KPNA6: variants seen among roughly 807,000 people sequenced by gnomAD.
KPNA6 encodes karyopherin subunit alpha 6, also known as importin subunit alpha-7.
In KPNA6, 9 loss-of-function variants were observed where a neutral mutation model predicts 72.0. That is an observed-to-expected ratio of 0.13 (90% confidence interval 0.08 to 0.22). The LOEUF is 0.22. KPNA6 is among the 10% of genes least tolerant of loss of function. The pLI is 1.00. For missense variants in KPNA6, 374 were observed against 655.7 expected, an observed-to-expected ratio of 0.57 and a Z score of 4.69; for synonymous variants, 219 against 242.1, an observed-to-expected ratio of 0.90 and a Z score of 0.89.
chr1:32,110,056 ATTTTTTTTTTTTTT>A (rs750004100), intron 1 of KPNA6, among the ~76,000 whole-genome samples: 1 of 118,308 alleles, frequency 8.5e-6, no homozygotes, highest in Non-Finnish European at 1.7e-5. Context: ...CTGGAATTGA[ATTTTTTTTTTTTTT>A]TTTTTTTTTC....
intron 1 of KPNA6, among the ~76,000 whole-genome samples, chr1:32,120,599 C>A (rs1168339929): frequency 2.0e-5 from 3 of 151,916 alleles, no homozygotes; most frequent in African/African-American, 7.3e-5. Flanking sequence ...TGGAGTATAG[C>A]TCTGTCACCC....
chr1:32,160,571 A>G, intron 6 of KPNA6, 44 bp from the exon 7 acceptor site: 1 of 1,487,946 alleles, frequency 6.7e-7, no homozygotes, highest in Non-Finnish European at 9.4e-7. Flanking sequence ...TACTCACAGG[A>G]GTACCAAGCT....
chr1:32,140,787 C>T (rs1641822485), intron 1 of KPNA6, among the ~76,000 whole-genome samples: 1 of 152,126 alleles, frequency 6.6e-6, no homozygotes, highest in Admixed American at 6.6e-5. Context: ...AGAGTTACAA[C>T]AATACCCAAA....
chr1:32,156,582 C>T (rs56067750), intron 2 of KPNA6, among the ~76,000 whole-genome samples: 19,661 of 152,108 alleles, frequency 0.13, 1,683 homozygotes, highest in South Asian at 0.25. Flanking sequence ...TAGCGTGAAA[C>T]TTCAACACTA....
intron 1 of KPNA6, among the ~76,000 whole-genome samples, chr1:32,135,800 G>A (rs557587147): frequency 1.3e-5 from 2 of 150,618 alleles, no homozygotes; most frequent in Non-Finnish European, 3.0e-5. Flanking sequence ...TTTTTAGGAT[G>A]ATGAAGATGT....
chr1:32,150,999 G>T (rs1162511837), intron 1 of KPNA6, among the ~76,000 whole-genome samples: 1 of 152,000 alleles, frequency 6.6e-6, no homozygotes, highest in Non-Finnish European at 1.5e-5. Context: ...ATAGCTCACT[G>T]CAGCCTTGAA....
At chr1:32,161,652 G>A (rs1400800829) in intron 7 of KPNA6, among the ~76,000 whole-genome samples, 1 of 152,146 alleles carries the variant, frequency 6.6e-6, no homozygotes, top group Non-Finnish European at 1.5e-5. Context: ...TGTGGCCAGG[G>A]TTATGGGCAT....
chr1:32,167,344 C>G (rs749982838), intron 12 of KPNA6, 48 bp downstream of exon 12: 3 of 1,610,938 alleles, frequency 1.9e-6, no homozygotes, highest in African/African-American at 2.7e-5. Context: ...GATGCTCTCC[C>G]TGTTTGCTCA....
Position 32,141,375 on chromosome 1 carries a change from C to CTTTTTTTTTTTTT in KPNA6, c.5-13185_5-13173dup, listed in dbSNP as rs71006334. ...AGGGCTTTTTTTTTTTAAGTTAATC[C>CTTTTTTTTTTTTT]TTTTTTTTTTTTTTTTTTTTTTTTT... On this transcript the variant is annotated intron_variant, in intron 1 of 13. Coordinates refer to ENST00000373625, the MANE Select transcript of KPNA6 (RefSeq NM_012316.5). Among the ~76,000 whole-genome samples, 39 of 54,476 alleles carry CTTTTTTTTTTTTT rather than the reference C, an allele frequency of 7.2e-4. 9 individuals carry two copies. The highest frequency in any genetic ancestry group is 1.1e-3 in the Non-Finnish European group (27 of 25,164). The allele number at this position is 54,476 out of a possible 152,430, so 35.7% of individuals were successfully genotyped here.
At chr1:32,122,677 C>T (rs753691361) in intron 1 of KPNA6, among the ~76,000 whole-genome samples, 7 of 151,748 alleles carry the variant, frequency 4.6e-5, no homozygotes, top group African/African-American at 9.7e-5. Context: ...TTGGGTGGGC[C>T]GGGTGCAGTG....
intron 1 of KPNA6, among the ~76,000 whole-genome samples, chr1:32,148,526 T>G (rs774851064): frequency 6.6e-6 from 1 of 151,998 alleles, no homozygotes; most frequent in East Asian, 1.9e-4. Context: ...TCTTCTGCTC[T>G]TAGGACTCCC....
chr1:32,154,737 T>C lies in KPNA6; in HGVS notation c.138+16T>C, dbSNP rs761319577. ...AGAGCAACAAGTGAGTTAATGGGAG[T>C]ATTCTCAAACATACTATTCTGGGAA... On this transcript the variant is annotated intron_variant, in intron 2 of 13. Coordinates refer to ENST00000373625, the MANE Select transcript of KPNA6 (RefSeq NM_012316.5). The C allele has an allele frequency of 1.9e-6, 3 of 1,612,734 alleles. No individual in the cohort carries two copies. Among genetic ancestry groups the C allele is most frequent in the Admixed American group, 3.3e-5 (2 of 59,926 alleles).
At position 32,149,418 on chromosome 1, in the gene KPNA6, G is replaced by T. The variant is rs1373775726; in HGVS notation, c.5-5170G>T. On this transcript the variant is annotated intron_variant, in intron 1 of 13. Coordinates refer to ENST00000373625, the MANE Select transcript of KPNA6 (RefSeq NM_012316.5). Reference sequence around the variant, plus strand: ...TAAAATTATTTAAAATAGAAACAGGGTCTCCCTATGTTGCCCAGGATGGTC... The same window carrying T: ...TAAAATTATTTAAAATAGAAACAGGTTCTCCCTATGTTGCCCAGGATGGTC... 2.0e-5 allele frequency among the ~76,000 whole-genome samples: 3 copies of T among 152,034 alleles called. No homozygotes were observed. The East Asian group carries it at 5.8e-4, about 29-fold the overall frequency.
intron 1 of KPNA6, among the ~76,000 whole-genome samples, chr1:32,138,264 G>T (rs922223022): frequency 6.6e-6 from 1 of 151,806 alleles, no homozygotes; most frequent in African/African-American, 2.4e-5. Flanking sequence ...GTGGAAGCTG[G>T]CCAGGCGCGG....
intron 9 of KPNA6, among the ~76,000 whole-genome samples, chr1:32,162,834 C>G (rs1391201045): frequency 2.0e-5 from 3 of 147,468 alleles, no homozygotes; most frequent in Admixed American, 6.8e-5. Context: ...GACTCCGTCT[C>G]AAAGGAAAAA....
intron 2 of KPNA6, among the ~76,000 whole-genome samples, chr1:32,155,915 ATTTT>A (rs747284319): frequency 1.0e-4 from 11 of 105,044 alleles, no homozygotes; most frequent in African/African-American, 1.9e-4. Context: ...ATTTTTGTGG[ATTTT>A]TTTTTTTTTT....
chr1:32,116,834 T>A (rs994471564), intron 1 of KPNA6, among the ~76,000 whole-genome samples: 7 of 152,028 alleles, frequency 4.6e-5, no homozygotes, highest in African/African-American at 1.4e-4. Context: ...CATTGTAGGG[T>A]TATTAATTAG....
chr1:32,122,026 C>G (rs1395086769), intron 1 of KPNA6, among the ~76,000 whole-genome samples: 1 of 151,562 alleles, frequency 6.6e-6, no homozygotes, highest in Non-Finnish European at 1.5e-5. Context: ...GTAATCCCAG[C>G]AGTTTGGGAG....
chr1:32,164,368 T>C (rs1328251922), intron 10 of KPNA6, among the ~76,000 whole-genome samples: 1 of 152,230 alleles, frequency 6.6e-6, no homozygotes, highest in Non-Finnish European at 1.5e-5. Context: ...TGTACAAATA[T>C]TTGTTCAAGT....
Sources: allele counts gnomAD v4.1 joint callset (sites outside exome capture counted in the v4.1 genomes callset), GRCh38; gene constraint gnomAD v4.1.1; transcripts MANE v1.5; gene names NCBI Gene and HGNC (gene_info 2026-07-23, HGNC 2026-07-21).